The following ZNF143 variants were observed in gnomAD, a reference collection of about 807,000 sequenced individuals.
The protein encoded by ZNF143 is zinc finger protein 143.
A neutral mutation model predicts 74.1 loss-of-function variants in ZNF143; 49 were observed. That is an observed-to-expected ratio of 0.66 (90% CI 0.53 to 0.84). The LOEUF (loss-of-function observed/expected upper bound fraction) is 0.84, where lower values mean the gene tolerates loss of function less well. Among genes scored for constraint, ZNF143 ranks in the 40% least tolerant of loss-of-function variants. ZNF143 has a pLI of 0.00. For missense variants in ZNF143, 637 were observed against 793.4 expected (o/e 0.80, Z 2.37); for synonymous variants, 304 against 282.8 (o/e 1.07, Z -0.75).
At chr11:9,462,643 G>C (rs1268948446) in intron 1 of ZNF143, among the ~76,000 whole-genome samples, 1 of 152,092 alleles carries the variant, frequency 6.6e-6, no homozygotes, top group African/African-American at 2.4e-5. Context: ...GGAGGCCGAG[G>C]CCAGCGGATC....
chr11:9,512,659 GC>G (rs1848592613), intron 13 of ZNF143, 63 bp downstream of exon 13: 3 of 1,599,042 alleles, frequency 1.9e-6, no homozygotes, highest in Admixed American at 3.4e-5. Flanking sequence ...TGAAAGGCAG[GC>G]TGGGTCCCCA....
At chr11:9,483,753 T>C (rs1407361673) in intron 7 of ZNF143, among the ~76,000 whole-genome samples, 2 of 147,138 alleles carry the variant, frequency 1.4e-5, no homozygotes, top group Non-Finnish European at 3.0e-5. Context: ...CGGAATTCTT[T>C]TTTTTTTTTT....
At chr11:9,463,451 A>C (rs568279678) in intron 1 of ZNF143, among the ~76,000 whole-genome samples, 4 of 152,220 alleles carry the variant, frequency 2.6e-5, no homozygotes, top group African/African-American at 9.6e-5. Flanking sequence ...TGTTATCATC[A>C]GTCTTTTTGA....
Position 9,472,694 on chromosome 11 carries a change from A to T in ZNF143, c.130A>T (p.Asn44Tyr). The T allele has an allele frequency of 6.2e-7, 1 of 1,610,966 alleles. No homozygotes were observed. The highest frequency in any genetic ancestry group is 8.5e-7 in the Non-Finnish European group (1 of 1,179,142). Residue 44 changes from asparagine (N) to tyrosine (Y), a missense_variant, in exon 3 of 16, where the codon AAT becomes TAT. Around this residue, in one of 2 missense-constraint regions of ZNF143, gnomAD observed 293 missense variants for 307.8 expected, o/e 0.95. Coordinates refer to ENST00000396602, the MANE Select transcript of ZNF143 (RefSeq NM_003442.6). Reference sequence around the variant, plus strand: ...TGTAATAGATGGTGACAACTTAGAAAATATGGAAGGCGTAAGCTTGCAAGC... The same window carrying T: ...TGTAATAGATGGTGACAACTTAGAATATATGGAAGGCGTAAGCTTGCAAGC... The part of the protein sequence containing the change: ...VTVADGDNLE[N>Y]MEGVSLQAVT...
chr11:9,474,106 C>A, intron 4 of ZNF143, 82 bp downstream of exon 4: 1 of 1,122,020 alleles, frequency 8.9e-7, no homozygotes, highest in Non-Finnish European at 1.4e-6. Context: ...CCTCTTACTA[C>A]CTAAACTTGG....
chr11:9,513,451 A>G (rs1014672135), intron 13 of ZNF143, among the ~76,000 whole-genome samples: 4 of 152,160 alleles, frequency 2.6e-5, no homozygotes, highest in African/African-American at 9.7e-5. Context: ...CAGCCTTAAC[A>G]CTTTTTCTTG....
chr11:9,506,826 C>G (rs1424244086), intron 11 of ZNF143, among the ~76,000 whole-genome samples: 1 of 150,592 alleles, frequency 6.6e-6, no homozygotes, highest in Non-Finnish European at 1.5e-5. Flanking sequence ...CTTTTTTTTT[C>G]TTTGCAAGGC....
intron 7 of ZNF143, among the ~76,000 whole-genome samples, chr11:9,485,111 A>G (rs1847418288): frequency 6.6e-6 from 1 of 150,896 alleles, no homozygotes; most frequent in South Asian, 2.1e-4. Flanking sequence ...AAGATTTTTT[A>G]AGATAATATT....
In ZNF143 at chr11:9,501,277, A is replaced by G. The variant is rs749229907; in HGVS notation, c.1147+7A>G. ...CATGTGAGGATACACACAGGTAACA[A>G]TCTCTGATCTTTTGGTCTTTTATCT... is the stretch of plus-strand genomic sequence containing the variant. On this transcript the variant is annotated splice_region_variant and intron_variant, in intron 11 of 15. Coordinates refer to ENST00000396602, the MANE Select transcript of ZNF143 (RefSeq NM_003442.6). The G allele has an allele frequency of 1.2e-5, 20 of 1,610,610 alleles. No homozygotes were observed. Among genetic ancestry groups the G allele is most frequent in the South Asian group, 7.7e-5 (7 of 90,822 alleles).
chr11:9,464,704 G>A (rs749718168), intron 1 of ZNF143, among the ~76,000 whole-genome samples: 2 of 152,108 alleles, frequency 1.3e-5, no homozygotes, highest in South Asian at 2.1e-4. Context: ...GGTGGATCAC[G>A]AGGTCAGGAG....
intron 11 of ZNF143, among the ~76,000 whole-genome samples, chr11:9,506,013 T>C (rs1848351928): frequency 6.6e-6 from 1 of 152,122 alleles, no homozygotes; most frequent in African/African-American, 2.4e-5. Flanking sequence ...GAAAACATTA[T>C]TTTTCCCATT....
intron 13 of ZNF143, among the ~76,000 whole-genome samples, chr11:9,515,125 C>T (rs994350510): frequency 2.7e-5 from 4 of 150,536 alleles, no homozygotes; most frequent in African/African-American, 9.8e-5. Context: ...TGAAACTCCT[C>T]AAAAAAAAAG....
chr11:9,507,738 TTAAG>T (rs753666906), intron 11 of ZNF143, among the ~76,000 whole-genome samples: 5 of 152,236 alleles, frequency 3.3e-5, no homozygotes, highest in Non-Finnish European at 7.3e-5. Context: ...TTTTGTGATA[TTAAG>T]TAATTATTAT....
At chr11:9,485,112 A>C (rs1338284284) in intron 7 of ZNF143, among the ~76,000 whole-genome samples, 1 of 150,872 alleles carries the variant, frequency 6.6e-6, no homozygotes, top group African/African-American at 2.5e-5. Flanking sequence ...AGATTTTTTA[A>C]GATAATATTT....
At chr11:9,527,203 C>CTTA (rs1849161668) in intron 15 of ZNF143, among the ~76,000 whole-genome samples, 2 of 152,300 alleles carry the variant, frequency 1.3e-5, no homozygotes, top group Admixed American at 1.3e-4. Context: ...AACTCCTGGG[C>CTTA]TCAAGCAATC....
rs780050051 is a variant in ZNF143 at position 9,471,417 on chromosome 11, G to A, written c.109G>A (p.Ala37Thr). 3.1e-6 allele frequency: 5 copies of A among 1,593,350 alleles called. No homozygotes were observed. In the East Asian group the frequency reaches 6.8e-5, roughly 22 times the overall value. The change falls in exon 2 of 16, where the codon GCA becomes ACA. Residue 37 changes from alanine (A) to threonine (T), a missense_variant. This residue lies in a region of ZNF143 where 293 missense variants were observed against 307.8 expected (regional missense o/e 0.95). Transcript: ENST00000396602. ...TLCLTEAVTV[A>T]DGDNLENMEG... ...GTGCTTGACAGAGGCAGTCACCGTG[G>A]CAGGTGAGCAGTTGTGTTTGAAGGG...
chr11:9,462,046 G>A (rs76901193), intron 1 of ZNF143: 2 of 152,320 alleles, frequency 1.3e-5, no homozygotes, highest in Non-Finnish European at 2.9e-5. Context: ...AAACGGTGCA[G>A]TATTTAATGT....
chr11:9,487,915 T>C (rs1380129800), intron 7 of ZNF143, among the ~76,000 whole-genome samples: 1 of 152,228 alleles, frequency 6.6e-6, no homozygotes, highest in Non-Finnish European at 1.5e-5. Context: ...ATTCTGTCCA[T>C]TTTTTCCCCT....
intron 7 of ZNF143, among the ~76,000 whole-genome samples, chr11:9,486,412 A>T (rs12285382): frequency 0.012 from 231 of 19,284 alleles, 20 homozygotes; most frequent in East Asian, 0.052. Flanking sequence ...TTATATATAT[A>T]ATATATATTA....
Sources: allele counts gnomAD v4.1 joint callset (sites outside exome capture counted in the v4.1 genomes callset), GRCh38; gene constraint gnomAD v4.1.1; regional missense constraint gnomAD v4.1.1; transcripts MANE v1.5; gene names NCBI Gene and HGNC (gene_info 2026-07-23, HGNC 2026-07-21).